AMBRA1: variants seen among roughly 807,000 people sequenced by gnomAD.
AMBRA1 encodes activating molecule in BECN1-regulated autophagy protein 1.
AMBRA1 carries 47 observed loss-of-function variants against 125.4 expected under a neutral mutation model. The ratio of observed to expected loss-of-function variants is 0.37; its 90% CI spans 0.30 to 0.48. AMBRA1 has a LOEUF of 0.48. Among genes scored for constraint, AMBRA1 ranks in the 20% least tolerant of loss-of-function variants. The pLI, the probability that AMBRA1 is intolerant of heterozygous loss-of-function variation, is 0.99. For missense variants in AMBRA1, 1,331 were observed against 1,693.4 expected (o/e 0.79, Z 3.76); for synonymous variants, 626 against 655.5 (o/e 0.95, Z 0.69).
intron 17 of AMBRA1, among the ~76,000 whole-genome samples, chr11:46,405,976 T>C (rs1156360365): frequency 6.6e-6 from 1 of 151,768 alleles, no homozygotes; most frequent in Non-Finnish European, 1.5e-5. Context: ...CAACAGATCC[T>C]CCTGCCTTGG....
chr11:46,420,287 G>A (rs899218919), intron 14 of AMBRA1, among the ~76,000 whole-genome samples: 4 of 152,126 alleles, frequency 2.6e-5, no homozygotes, highest in African/African-American at 9.7e-5. Context: ...AAAAGAAACC[G>A]ATGAAGTTAA....
At chr11:46,570,660 TA>T (rs757082757) in intron 1 of AMBRA1, among the ~76,000 whole-genome samples, 18 of 152,180 alleles carry the variant, frequency 1.2e-4, no homozygotes, top group Non-Finnish European at 2.2e-4. Context: ...TTGCTGTTAA[TA>T]TTTTTTTTTA....
chr11:46,543,435 A>G (rs1207849006), intron 6 of AMBRA1, 37 bp from the exon 7 acceptor site: 3 of 1,596,334 alleles, frequency 1.9e-6, no homozygotes, highest in Non-Finnish European at 2.6e-6. Flanking sequence ...GGGGTAGAGC[A>G]AGGCAGTTAG....
At chr11:46,513,691 C>G (rs1951362620) in intron 7 of AMBRA1, among the ~76,000 whole-genome samples, 2 of 152,166 alleles carry the variant, frequency 1.3e-5, no homozygotes, top group Non-Finnish European at 2.9e-5. Flanking sequence ...ACGGTCCAGG[C>G]AGGAAGCAAG....
At chr11:46,591,223 T>C (rs956527989) in intron 1 of AMBRA1, 5 of 152,216 alleles carry the variant, frequency 3.3e-5, no homozygotes, top group Non-Finnish European at 7.3e-5. Flanking sequence ...CAGTGGACAA[T>C]GTTGCTTTCT....
intron 1 of AMBRA1, among the ~76,000 whole-genome samples, chr11:46,562,083 A>G (rs2043357992): frequency 6.6e-6 from 1 of 152,230 alleles, no homozygotes; most frequent in Non-Finnish European, 1.5e-5. Flanking sequence ...GTACTGAAAA[A>G]GGCTAGAAAG....
Position 46,545,596 on chromosome 11 carries a change from G to A in AMBRA1, c.551+8C>T, listed in dbSNP as rs780914135. 2.0e-5 allele frequency: 32 copies of A among 1,612,900 alleles called. No homozygotes were observed. The Admixed American group carries it at 2.5e-4, about 13-fold the overall frequency. Reference sequence around the variant, plus strand: ...TGCCAGACAATGCAGATGGGGCAGCGCACTCACCGGACCCGTTCCATCTCA... The same window carrying A: ...TGCCAGACAATGCAGATGGGGCAGCACACTCACCGGACCCGTTCCATCTCA... On this transcript the variant is annotated splice_region_variant and intron_variant, in intron 5 of 17. Coordinates refer to ENST00000683756, the MANE Select transcript of AMBRA1 (RefSeq NM_001387011.1).
intron 9 of AMBRA1, among the ~76,000 whole-genome samples, chr11:46,500,159 T>C (rs1256587704): frequency 6.6e-6 from 1 of 152,188 alleles, no homozygotes; most frequent in Non-Finnish European, 1.5e-5. Context: ...GCTGTCAGGC[T>C]GTGGGGCCAG....
At chr11:46,563,108 T>C (rs922207135) in intron 1 of AMBRA1, among the ~76,000 whole-genome samples, 4 of 152,272 alleles carry the variant, frequency 2.6e-5, no homozygotes, top group East Asian at 1.9e-4. Flanking sequence ...TAAATAATTA[T>C]ACATAACATT....
At chr11:46,469,538 GTATGAAAATATGTACATTA>G (rs768215596) in intron 11 of AMBRA1, among the ~76,000 whole-genome samples, 13 of 152,044 alleles carry the variant, frequency 8.6e-5, no homozygotes, top group Non-Finnish European at 1.2e-4. Context: ...TATGAAAACT[GTATGAAAATATGTACATTA>G]TATGAAAATA....
At chr11:46,468,807 T>C (rs1590884760) in intron 11 of AMBRA1, among the ~76,000 whole-genome samples, 3 of 105,392 alleles carry the variant, frequency 2.8e-5, no homozygotes, top group East Asian at 2.6e-4. Context: ...AGAGTGAGGC[T>C]CCGTCTCAAA....
At position 46,461,660 on chromosome 11, in the gene AMBRA1, C is replaced by A. The variant is rs189302927; in HGVS notation, c.2522-18062G>T. On this transcript the variant is annotated intron_variant, in intron 11 of 17. Transcript: ENST00000683756. ...AATTGCTGACATAAAAGATTATGCCCACAGAAACATGTCCTGAGTCTTGAT... is the reference window on the plus strand; with the variant it reads ...AATTGCTGACATAAAAGATTATGCCAACAGAAACATGTCCTGAGTCTTGAT... 5.9e-5 allele frequency among the ~76,000 whole-genome samples: 9 copies of A among 152,322 alleles called. 1 individual carries two copies. Among genetic ancestry groups the A allele is most frequent in the African/African-American group, 2.2e-4 (9 of 41,582 alleles).
rs1443870430 is a variant in AMBRA1, at chr11:46,480,295, A to G, written c.2521+13313T>C. ...GGAAGGACCTCTTAGGCAGATCATT[A>G]TTTTACCTACTAAACCATCTAAGAT... On this transcript the variant is annotated intron_variant, in intron 11 of 17. Coordinates refer to ENST00000683756, the MANE Select transcript of AMBRA1 (RefSeq NM_001387011.1). Among the ~76,000 whole-genome samples the G allele has an allele frequency of 2.6e-5, 4 of 152,164 alleles. No individual in the cohort carries two copies. In the East Asian group the frequency reaches 5.8e-4, roughly 22 times the overall value.
intron 7 of AMBRA1, among the ~76,000 whole-genome samples, chr11:46,527,277 C>G (rs1428113337): frequency 6.6e-6 from 1 of 151,804 alleles, no homozygotes; most frequent in Non-Finnish European, 1.5e-5. Flanking sequence ...GCCAGGAGTT[C>G]GAGACCAGCC....
intron 14 of AMBRA1, among the ~76,000 whole-genome samples, chr11:46,428,056 G>A (rs1226212064): frequency 1.3e-5 from 2 of 149,906 alleles, no homozygotes; most frequent in Non-Finnish European, 3.0e-5. Context: ...TTCCTTCCCT[G>A]CTGCCTGGGA....
intron 11 of AMBRA1, among the ~76,000 whole-genome samples, chr11:46,472,560 T>C (rs771773854): frequency 1.6e-4 from 24 of 152,214 alleles, no homozygotes; most frequent in Admixed American, 1.3e-3. Flanking sequence ...TCAAATTGTA[T>C]AGAGAATTAC....
At chr11:46,506,866 A>G (rs1237451780) in intron 9 of AMBRA1, among the ~76,000 whole-genome samples, 2 of 152,118 alleles carry the variant, frequency 1.3e-5, no homozygotes, top group East Asian at 1.9e-4. Flanking sequence ...AAACCCAGCA[A>G]TAAGATTGGC....
intron 7 of AMBRA1, among the ~76,000 whole-genome samples, chr11:46,517,830 CA>C (rs202001744): frequency 0.36 from 27,729 of 77,998 alleles, 2,696 homozygotes; most frequent in African/African-American, 0.5. Context: ...GACTCTGTCT[CA>C]AAAAAAAAAA....
intron 11 of AMBRA1, among the ~76,000 whole-genome samples, chr11:46,483,403 G>C (rs554811991): frequency 1.3e-5 from 2 of 152,326 alleles, no homozygotes; most frequent in South Asian, 4.1e-4. Context: ...TGAGGACCCA[G>C]GGGAAGAGCT....
Sources: allele counts gnomAD v4.1 joint callset (sites outside exome capture counted in the v4.1 genomes callset), GRCh38; gene constraint gnomAD v4.1.1; transcripts MANE v1.5; gene names NCBI Gene and HGNC (gene_info 2026-07-23, HGNC 2026-07-21).